Variants in WWOX observed in about 807,000 individuals in gnomAD.
The protein encoded by WWOX is WW domain containing oxidoreductase.
WWOX carries 69 observed loss-of-function variants against 46.2 expected under a neutral mutation model. That is an observed-to-expected ratio of 1.49 (90% CI 1.23 to 1.82). WWOX has a LOEUF of 1.82. Among genes scored for constraint, WWOX ranks in the 40% most tolerant of loss-of-function variants. The pLI is 0.00. For missense variants in WWOX, 919 were observed against 542.6 expected, an observed-to-expected ratio of 1.69 and a Z score of -6.89; for synonymous variants, 359 against 202.6, an observed-to-expected ratio of 1.77 and a Z score of -6.56.
intron 8 of WWOX, among the ~76,000 whole-genome samples, chr16:78,911,741 C>G (rs2045116931): frequency 6.6e-6 from 1 of 152,142 alleles, no homozygotes; most frequent in Admixed American, 6.5e-5. Flanking sequence ...TGGTGCGTAC[C>G]TGTAATCTCA....
chr16:78,720,240 C>G (rs745396115), intron 8 of WWOX, among the ~76,000 whole-genome samples: 33 of 151,470 alleles, frequency 2.2e-4, no homozygotes, highest in Non-Finnish European at 1.9e-4. Context: ...GTCTGATAGA[C>G]TTGAAGATTA....
intron 5 of WWOX, among the ~76,000 whole-genome samples, chr16:78,265,711 A>G (rs529250730): frequency 6.0e-5 from 9 of 149,644 alleles, no homozygotes; most frequent in Admixed American, 2.0e-4. Flanking sequence ...AAACACGAAT[A>G]TCTTTTTTTG....
At position 79,154,637 on chromosome 16, in the gene WWOX, A is replaced by C. The variant is rs145625057; in HGVS notation, c.1057-56971A>C. 5.5e-3 allele frequency among the ~76,000 whole-genome samples: 843 copies of C among 152,350 alleles called. 7 individuals carry two copies. Among genetic ancestry groups the C allele is most frequent in the Non-Finnish European group, 9.2e-3 (626 of 68,030 alleles). On this transcript the variant is annotated intron_variant, in intron 8 of 8. Transcript: ENST00000566780. ...CTAAAAAGTTTGCAACATTTAAAAA[A>C]AATACAACCCTTATGCTGATGGATG...
chr16:78,500,933 G>C, intron 8 of WWOX, among the ~76,000 whole-genome samples: 1 of 152,178 alleles, frequency 6.6e-6, no homozygotes, highest in East Asian at 1.9e-4. Flanking sequence ...GGACGGCCAA[G>C]TGATGCAGGT....
At chr16:78,675,119 G>T (rs188149710) in intron 8 of WWOX, among the ~76,000 whole-genome samples, 1 of 152,082 alleles carries the variant, frequency 6.6e-6, no homozygotes, top group Non-Finnish European at 1.5e-5. Flanking sequence ...ATAGATGATC[G>T]GATCCTCATA....
chr16:79,104,340 C>T (rs1202235547), intron 8 of WWOX, among the ~76,000 whole-genome samples: 1 of 152,116 alleles, frequency 6.6e-6, no homozygotes, highest in Admixed American at 6.5e-5. Flanking sequence ...ACATCATTTT[C>T]CTTCAAAATT....
At chr16:78,650,304 T>C (rs2046938190) in intron 8 of WWOX, among the ~76,000 whole-genome samples, 1 of 152,238 alleles carries the variant, frequency 6.6e-6, no homozygotes, top group Non-Finnish European at 1.5e-5. Context: ...CTTTTTGTCT[T>C]TCAGAATAAC....
chr16:78,296,991 C>T (rs761391505), intron 5 of WWOX, among the ~76,000 whole-genome samples: 6 of 152,104 alleles, frequency 3.9e-5, no homozygotes, highest in Non-Finnish European at 4.4e-5. Flanking sequence ...ATGATTCTCT[C>T]CCCTTTCTCT....
At chr16:78,406,011 T>C (rs1426125666) in intron 6 of WWOX, among the ~76,000 whole-genome samples, 1 of 152,152 alleles carries the variant, frequency 6.6e-6, no homozygotes, top group East Asian at 1.9e-4. Context: ...GGGGATCATG[T>C]TTCTCATTCC....
chr16:78,652,942 T>C (rs943949376), intron 8 of WWOX, among the ~76,000 whole-genome samples: 5 of 152,174 alleles, frequency 3.3e-5, no homozygotes, highest in Non-Finnish European at 7.3e-5. Context: ...ACTTTTGTTA[T>C]TTGATTATGG....
At chr16:78,925,207 A>G (rs1010767171) in intron 8 of WWOX, among the ~76,000 whole-genome samples, 4 of 152,158 alleles carry the variant, frequency 2.6e-5, no homozygotes, top group African/African-American at 7.2e-5. Context: ...AACAAAAACA[A>G]AAAGAAAACG....
intron 8 of WWOX, among the ~76,000 whole-genome samples, chr16:78,969,725 A>G (rs8057659): frequency 0.53 from 80,113 of 152,026 alleles, 21,239 homozygotes; most frequent in South Asian, 0.56. Context: ...AAAACATTGT[A>G]CTAATCAAAA....
At chr16:78,103,652 C>T (rs930611086) in intron 1 of WWOX, among the ~76,000 whole-genome samples, 2 of 152,158 alleles carry the variant, frequency 1.3e-5, no homozygotes, top group African/African-American at 4.8e-5. Flanking sequence ...GGCTCCAACC[C>T]CTTTTCATTC....
chr16:78,514,154 A>G (rs2085431952), intron 8 of WWOX, among the ~76,000 whole-genome samples: 1 of 152,220 alleles, frequency 6.6e-6, no homozygotes, highest in South Asian at 2.1e-4. Context: ...GACGTCAGAA[A>G]AAAACTTAGA....
chr16:78,828,715 G>T (rs552818528), intron 8 of WWOX, among the ~76,000 whole-genome samples: 5 of 151,970 alleles, frequency 3.3e-5, no homozygotes, highest in African/African-American at 1.2e-4. Context: ...TGTATTAATC[G>T]TAGTTAGCAA....
At chr16:78,351,840 C>G (rs908831097) in intron 5 of WWOX, among the ~76,000 whole-genome samples, 1 of 152,024 alleles carries the variant, frequency 6.6e-6, no homozygotes, top group African/African-American at 2.4e-5. Flanking sequence ...TATTTTTACT[C>G]GAGACGTAGT....
intron 8 of WWOX, among the ~76,000 whole-genome samples, chr16:78,460,226 C>G (rs1376617094): frequency 1.3e-5 from 2 of 151,400 alleles, no homozygotes; most frequent in Non-Finnish European, 2.9e-5. Context: ...CTCCCGGATT[C>G]AAGAGATTCT....
At chr16:78,308,955 C>T (rs1682620421) in intron 5 of WWOX, among the ~76,000 whole-genome samples, 1 of 152,082 alleles carries the variant, frequency 6.6e-6, no homozygotes, top group Non-Finnish European at 1.5e-5. Flanking sequence ...GCTAATAACT[C>T]CTTTAACCAA....
intron 8 of WWOX, among the ~76,000 whole-genome samples, chr16:79,129,893 G>A (rs1215040642): frequency 1.3e-5 from 2 of 152,176 alleles, no homozygotes; most frequent in African/African-American, 2.4e-5. Flanking sequence ...GGAGTGAAGT[G>A]TAAGCGTCGC....
Sources: gnomAD v4.1 joint callset for allele counts (sites outside exome capture counted in the v4.1 genomes callset) on GRCh38, gnomAD v4.1.1 for gene constraint, MANE v1.5 for transcripts, NCBI Gene and HGNC (gene_info 2026-07-23, HGNC 2026-07-21) for gene names.